BICD1: variants seen among roughly 807,000 people sequenced by gnomAD.
BICD1 encodes the protein protein bicaudal D homolog 1.
BICD1 carries 35 observed loss-of-function variants against 92.5 expected under a neutral mutation model. That is an observed-to-expected ratio of 0.38 (90% CI 0.29 to 0.50). BICD1 has a LOEUF of 0.50. Among genes scored for constraint, BICD1 ranks in the 20% least tolerant of loss-of-function variants. The pLI is 0.93. For missense variants in BICD1, 950 were observed against 1,189.8 expected (o/e 0.80, Z 2.97); for synonymous variants, 429 against 465.1 (o/e 0.92, Z 1.00).
intron 1 of BICD1, among the ~76,000 whole-genome samples, chr12:32,166,502 A>G (rs1943777100): frequency 1.3e-5 from 2 of 152,132 alleles, no homozygotes; most frequent in Admixed American, 1.3e-4. Flanking sequence ...TAGAAGCTAG[A>G]GGTGCTGCTA....
intron 9 of BICD1, among the ~76,000 whole-genome samples, chr12:32,369,405 G>A (rs1258513699): frequency 6.6e-6 from 1 of 152,260 alleles, no homozygotes; most frequent in Non-Finnish European, 1.5e-5. Flanking sequence ...AGCAGGGGCA[G>A]GCCCAAACAC....
chr12:32,315,177 C>T (rs10431225), intron 4 of BICD1, among the ~76,000 whole-genome samples: 37,883 of 151,984 alleles, frequency 0.25, 5,150 homozygotes, highest in East Asian at 0.59. Flanking sequence ...ACGTGGGCAT[C>T]CAGTTGTCCC....
chr12:32,287,111 G>A (rs1386331819), intron 2 of BICD1, among the ~76,000 whole-genome samples: 1 of 152,102 alleles, frequency 6.6e-6, no homozygotes, highest in African/African-American at 2.4e-5. Context: ...TTTTTCAGCT[G>A]AGTTTCTGGG....
intron 1 of BICD1, among the ~76,000 whole-genome samples, chr12:32,164,549 A>C (rs961431424): frequency 1.8e-4 from 28 of 152,196 alleles, no homozygotes; most frequent in African/African-American, 6.3e-4. Flanking sequence ...GAGGAAAGTA[A>C]ATGGATTGGG....
intron 8 of BICD1, among the ~76,000 whole-genome samples, chr12:32,349,906 C>G (rs542711916): frequency 6.6e-6 from 1 of 152,228 alleles, no homozygotes. Context: ...AAAAGTATAC[C>G]ATTACATATC....
chr12:32,201,442 C>T (rs981604760), intron 1 of BICD1, among the ~76,000 whole-genome samples: 1 of 151,540 alleles, frequency 6.6e-6, no homozygotes, highest in African/African-American at 2.4e-5. Context: ...CACCTAAATG[C>T]ATAGGCACTC....
chr12:32,248,834 G>T (rs1462715913), intron 2 of BICD1, among the ~76,000 whole-genome samples: 1 of 152,170 alleles, frequency 6.6e-6, no homozygotes, highest in African/African-American at 2.4e-5. Flanking sequence ...GTTGTTGGCT[G>T]CCCCCTTCAC....
intron 2 of BICD1, among the ~76,000 whole-genome samples, chr12:32,217,154 C>T (rs1945384236): frequency 6.6e-6 from 1 of 152,168 alleles, no homozygotes; most frequent in Non-Finnish European, 1.5e-5. Context: ...CTTCATCCAT[C>T]AAACCCCTGT....
intron 1 of BICD1, among the ~76,000 whole-genome samples, chr12:32,154,178 G>A (rs187263874): frequency 6.6e-6 from 1 of 152,154 alleles, no homozygotes; most frequent in Admixed American, 6.5e-5. Context: ...TTATGATAAA[G>A]TTAATATTAT....
intron 1 of BICD1, among the ~76,000 whole-genome samples, chr12:32,155,132 C>G (rs1251588952): frequency 6.6e-6 from 1 of 151,984 alleles, no homozygotes; most frequent in Non-Finnish European, 1.5e-5. Context: ...GTTTTTAAAT[C>G]CACAGTGTAG....
Position 32,181,381 on chromosome 12 carries a change from C to T in BICD1, c.214-34866C>T, listed in dbSNP as rs536391386. Among the ~76,000 whole-genome samples, 21 of 150,994 alleles carry T rather than the reference C, an allele frequency of 1.4e-4. No individual in the cohort carries two copies. In the East Asian group the frequency reaches 2.7e-3, roughly 20 times the overall value. ...GTTGCGGTGAGCAGAGATCACCCCA[C>T]GGCACTCCAGCCTGGGCAACAGAGC... On this transcript the variant is annotated intron_variant, in intron 1 of 9. Transcript: ENST00000652176.
At chr12:32,245,209 T>A (rs961074903) in intron 2 of BICD1, among the ~76,000 whole-genome samples, 1 of 152,152 alleles carries the variant, frequency 6.6e-6, no homozygotes, top group Non-Finnish European at 1.5e-5. Flanking sequence ...CTTTATTTTT[T>A]ACTTGTTTGC....
intron 1 of BICD1, among the ~76,000 whole-genome samples, chr12:32,196,095 A>G (rs1944718163): frequency 6.6e-6 from 1 of 152,216 alleles, no homozygotes; most frequent in Non-Finnish European, 1.5e-5. Flanking sequence ...ACCATGAGCT[A>G]TCACCTTGCA....
chr12:32,194,187 A>C (rs931543501), intron 1 of BICD1, among the ~76,000 whole-genome samples: 1 of 152,318 alleles, frequency 6.6e-6, no homozygotes, highest in African/African-American at 2.4e-5. Context: ...AATCAGATAC[A>C]GAAGGAATAT....
At chr12:32,344,820 T>C (rs1938508746) in intron 8 of BICD1, among the ~76,000 whole-genome samples, 1 of 152,192 alleles carries the variant, frequency 6.6e-6, no homozygotes, top group East Asian at 1.9e-4. Context: ...CTAAACTGTC[T>C]TTTTCCACAG....
chr12:32,168,741 A>G (rs12317996), intron 1 of BICD1, among the ~76,000 whole-genome samples: 10 of 152,154 alleles, frequency 6.6e-5, no homozygotes, highest in African/African-American at 2.4e-4. Flanking sequence ...AGGCCAAGGC[A>G]GGTGGATCAT....
rs974385410 is a variant in BICD1 at position 32,382,709 on chromosome 12, A to G, written c.*5082A>G. 1 of 151,926 alleles carries G rather than the reference A, an allele frequency of 6.6e-6. No individual in the cohort carries two copies. Among genetic ancestry groups the G allele is most frequent in the South Asian group, 2.1e-4 (1 of 4,796 alleles). 9.4% of individuals were successfully genotyped at this position (151,926 alleles called of 1,614,324 possible). ...TTTCTTTCAGAATTATTCCTCAATC[A>G]TTGTTCTCTAATGAAAACACCGAGA... On this transcript the variant is annotated 3_prime_UTR_variant, in exon 10 of 10. Coordinates refer to ENST00000652176, the MANE Select transcript of BICD1 (RefSeq NM_001714.4).
chr12:32,194,709 C>T (rs1313390766), intron 1 of BICD1, among the ~76,000 whole-genome samples: 1 of 151,624 alleles, frequency 6.6e-6, no homozygotes, highest in Non-Finnish European at 1.5e-5. Context: ...GGGAGAAACC[C>T]CATCTCTACT....
intron 1 of BICD1, among the ~76,000 whole-genome samples, chr12:32,183,555 G>GCGCCTGGCCAACTATAAATGCAATTTTAT (rs1255662843): frequency 6.6e-6 from 1 of 152,182 alleles, no homozygotes; most frequent in East Asian, 1.9e-4. Flanking sequence ...GTGAGCCACT[G>GCGCCTGGCCAACTATAAATGCAATTTTAT]TTCCCAGCCT....
Sources: gnomAD v4.1 joint callset for allele counts (sites outside exome capture counted in the v4.1 genomes callset) on GRCh38, gnomAD v4.1.1 for gene constraint, MANE v1.5 for transcripts, NCBI Gene and HGNC (gene_info 2026-07-23, HGNC 2026-07-21) for gene names.